The following MYLK variants were observed in gnomAD, a reference collection of about 807,000 sequenced individuals.
The protein encoded by MYLK is myosin light chain kinase, also known as myosin light chain kinase, smooth muscle.
A neutral mutation model predicts 203.4 loss-of-function variants in MYLK; 106 were observed. The observed-to-expected ratio is 0.52, with a 90% confidence interval of 0.45 to 0.61. The LOEUF (loss-of-function observed/expected upper bound fraction) is 0.61. Among genes scored for constraint, MYLK ranks in the 20% least tolerant of loss-of-function variants. The pLI is 0.00. For missense variants in MYLK, 2,072 were observed against 2,442.3 expected (o/e 0.85, Z 3.20); for synonymous variants, 867 against 959.5 (o/e 0.90, Z 1.78).
intron 4 of MYLK, among the ~76,000 whole-genome samples, chr3:123,791,078 G>T (rs11918679): frequency 6.6e-6 from 1 of 152,166 alleles, no homozygotes; most frequent in Admixed American, 6.5e-5. Context: ...GACTGGTTCC[G>T]TGACGATTGA....
intron 20 of MYLK, among the ~76,000 whole-genome samples, chr3:123,669,263 C>T (rs550607759): frequency 2.6e-5 from 4 of 152,148 alleles, no homozygotes; most frequent in African/African-American, 4.8e-5. Flanking sequence ...TTGATCCATC[C>T]GTCCATCTCC....
intron 3 of MYLK, among the ~76,000 whole-genome samples, chr3:123,826,789 G>A (rs557254964): frequency 1.2e-4 from 19 of 152,320 alleles, no homozygotes; most frequent in Admixed American, 2.0e-4. Context: ...CTAGGTCACT[G>A]AGAAATCACA....
In MYLK at chr3:123,611,535, C is replaced by G. The variant is rs1041071592; in HGVS notation, c.*2570G>C. ...ACCTGATACTCTGTAACAGTGGTCCCTAACCTTTTTGGCACCAGGGACCAC... is the reference window on the plus strand; with the variant it reads ...ACCTGATACTCTGTAACAGTGGTCCGTAACCTTTTTGGCACCAGGGACCAC... On this transcript the variant is annotated 3_prime_UTR_variant, in exon 34 of 34. Coordinates refer to ENST00000360304, the MANE Select transcript of MYLK (RefSeq NM_053025.4). The G allele has an allele frequency of 1.3e-5, 2 of 152,082 alleles. No homozygotes were observed. Among genetic ancestry groups the G allele is most frequent in the African/African-American group, 4.8e-5 (2 of 41,394 alleles). 9.4% of individuals were successfully genotyped at this position (152,082 alleles called of 1,614,324 possible). A position where few individuals can be genotyped will look rare whatever the true frequency, so the allele number is the denominator to read the frequency against.
At chr3:123,781,959 C>T (rs1158609577) in intron 4 of MYLK, among the ~76,000 whole-genome samples, 2 of 152,116 alleles carry the variant, frequency 1.3e-5, no homozygotes, top group African/African-American at 4.8e-5. Context: ...TCTCTTTTTA[C>T]TGGGCATCTA....
chr3:123,711,168 G>A (rs1401323817), intron 13 of MYLK, among the ~76,000 whole-genome samples: 2 of 152,102 alleles, frequency 1.3e-5, no homozygotes, highest in Non-Finnish European at 2.9e-5. Context: ...AAAATGCAAA[G>A]TCCAGTGACA....
At chr3:123,658,704 A>C (rs2108283487) in intron 23 of MYLK, among the ~76,000 whole-genome samples, 1 of 152,358 alleles carries the variant, frequency 6.6e-6, no homozygotes, top group East Asian at 1.9e-4. Context: ...GCAAACATAG[A>C]TAAAGTACTT....
intron 3 of MYLK, among the ~76,000 whole-genome samples, chr3:123,795,606 G>A (rs1339662361): frequency 1.3e-5 from 2 of 152,120 alleles, no homozygotes; most frequent in African/African-American, 2.4e-5. Flanking sequence ...CTAGGTGGTC[G>A]GACTCCAGTC....
intron 2 of MYLK, among the ~76,000 whole-genome samples, chr3:123,868,732 T>C (rs541787746): frequency 1.3e-5 from 2 of 152,322 alleles, no homozygotes; most frequent in East Asian, 1.9e-4. Flanking sequence ...TATCATAAGA[T>C]TGACAAAGAT....
At chr3:123,852,881 G>A (rs913457654) in intron 2 of MYLK, among the ~76,000 whole-genome samples, 12 of 152,174 alleles carry the variant, frequency 7.9e-5, no homozygotes, top group South Asian at 4.2e-4. Flanking sequence ...CAGGATTTGC[G>A]GTGTTGGAAA....
intron 13 of MYLK, among the ~76,000 whole-genome samples, chr3:123,713,764 C>T (rs1399800456): frequency 6.6e-6 from 1 of 152,142 alleles, no homozygotes; most frequent in East Asian, 1.9e-4. Flanking sequence ...ATTCTTAACT[C>T]GTGGCCCTGG....
intron 3 of MYLK, among the ~76,000 whole-genome samples, chr3:123,830,581 C>A (rs2066290159): frequency 1.3e-5 from 2 of 152,182 alleles, no homozygotes. Context: ...GACCACACTT[C>A]CTGTTATTAA....
chr3:123,835,093 C>CT (rs1050469347), intron 2 of MYLK, among the ~76,000 whole-genome samples: 1 of 152,202 alleles, frequency 6.6e-6, no homozygotes, highest in Non-Finnish European at 1.5e-5. Flanking sequence ...ATAGGAGAAA[C>CT]TATTTTAGGA....
chr3:123,707,620 GC>G (rs2061512447), intron 16 of MYLK, 133 bp downstream of exon 16: 1 of 1,350,882 alleles, frequency 7.4e-7, no homozygotes, highest in African/African-American at 1.4e-5. Flanking sequence ...GCAGCACTGA[GC>G]CCGCACTTGC....
intron 29 of MYLK, among the ~76,000 whole-genome samples, chr3:123,631,069 G>C (rs2058399682): frequency 6.6e-6 from 1 of 152,186 alleles, no homozygotes; most frequent in Non-Finnish European, 1.5e-5. Flanking sequence ...AAATTGTGTA[G>C]CTGTTCCTGC....
intron 4 of MYLK, among the ~76,000 whole-genome samples, chr3:123,765,063 A>G (rs1325115382): frequency 6.6e-6 from 1 of 152,254 alleles, no homozygotes; most frequent in East Asian, 1.9e-4. Flanking sequence ...AAAAAGCAAT[A>G]GAAAATAACA....
In MYLK at chr3:123,657,112, T is replaced by A. The variant is rs774660961; in HGVS notation, c.4288+14A>T. On this transcript the variant is annotated intron_variant, in intron 24 of 33. Coordinates refer to ENST00000360304, the MANE Select transcript of MYLK (RefSeq NM_053025.4). ...CATTTGTTTCAAGCCACTGATGAAG[T>A]GATGGCAGCCTACCTTCAGGTTTCT... The A allele has an allele frequency of 1.9e-6, 3 of 1,614,172 alleles. No homozygotes were observed. The highest frequency in any genetic ancestry group is 2.5e-6 in the Non-Finnish European group (3 of 1,180,000).
chr3:123,703,819 G>A (rs1288727562), intron 16 of MYLK, among the ~76,000 whole-genome samples: 1 of 152,212 alleles, frequency 6.6e-6, no homozygotes, highest in Non-Finnish European at 1.5e-5. Flanking sequence ...GTGTTTGCCT[G>A]GCAGCCCTTT....
chr3:123,836,919 C>T (rs1470480529), intron 2 of MYLK, among the ~76,000 whole-genome samples: 3 of 152,218 alleles, frequency 2.0e-5, no homozygotes, highest in Non-Finnish European at 4.4e-5. Context: ...AACATAAAGA[C>T]ATGGACTAAT....
chr3:123,632,396 C>G (rs1163395947), intron 29 of MYLK, among the ~76,000 whole-genome samples: 4 of 152,206 alleles, frequency 2.6e-5, no homozygotes, highest in Admixed American at 2.6e-4. Context: ...GAAAAGCAAA[C>G]AACCCTGCTG....
Sources: gnomAD v4.1 joint callset for allele counts (sites outside exome capture counted in the v4.1 genomes callset) on GRCh38, gnomAD v4.1.1 for gene constraint, MANE v1.5 for transcripts, NCBI Gene and HGNC (gene_info 2026-07-23, HGNC 2026-07-21) for gene names.